Variants in GPC5 observed in about 807,000 individuals in gnomAD.
The protein encoded by GPC5 is glypican 5.
In GPC5, 47 loss-of-function variants were observed where a neutral mutation model predicts 53.9. That is an observed-to-expected ratio of 0.87 (90% CI 0.69 to 1.11). GPC5 has a LOEUF of 1.11. GPC5 is among the 50% of genes most tolerant of loss of function. The probability of loss-of-function intolerance (pLI) is 0.00; values close to 1 mark genes in which losing one functional copy is unlikely to be tolerated. For synonymous variants in GPC5, 286 were observed against 263.3 expected (o/e 1.09, Z -0.84); for missense variants, 748 against 713.1 (o/e 1.05, Z -0.56).
intron 7 of GPC5, among the ~76,000 whole-genome samples, chr13:92,257,701 C>A (rs1015732004): frequency 6.6e-6 from 1 of 151,670 alleles, no homozygotes; most frequent in Non-Finnish European, 1.5e-5. Context: ...CAGGTGGGCA[C>A]CACCACACCC....
At chr13:92,633,026 G>A (rs1885303601) in intron 7 of GPC5, among the ~76,000 whole-genome samples, 1 of 152,096 alleles carries the variant, frequency 6.6e-6, no homozygotes, top group Non-Finnish European at 1.5e-5. Context: ...GAGTAGCTGG[G>A]ATTACAGGCA....
intron 7 of GPC5, among the ~76,000 whole-genome samples, chr13:92,809,024 C>A (rs1877201263): frequency 6.6e-6 from 1 of 152,048 alleles, no homozygotes; most frequent in South Asian, 2.1e-4. Flanking sequence ...AAATATCAAA[C>A]CAGGAGGTAG....
intron 2 of GPC5, among the ~76,000 whole-genome samples, chr13:91,478,421 A>G (rs1485982908): frequency 6.6e-6 from 1 of 152,044 alleles, no homozygotes; most frequent in Non-Finnish European, 1.5e-5. Flanking sequence ...AAATGTAAAG[A>G]GAAATAAATG....
At chr13:91,897,606 G>A (rs1412744044) in intron 5 of GPC5, among the ~76,000 whole-genome samples, 1 of 152,028 alleles carries the variant, frequency 6.6e-6, no homozygotes, top group Non-Finnish European at 1.5e-5. Flanking sequence ...ATAGAGCGTT[G>A]GTGATGGGCC....
At chr13:91,572,178 TAC>T (rs2031927553) in intron 2 of GPC5, among the ~76,000 whole-genome samples, 1 of 69,332 alleles carries the variant, frequency 1.4e-5, no homozygotes, top group Non-Finnish European at 3.8e-5. Context: ...TATGTATATA[TAC>T]GTGTGTATAC....
In GPC5 at chr13:91,542,014, C is replaced by CTTA. The variant is rs1290894565; in HGVS notation, c.325+93093_325+93095dup. 6.9e-3 allele frequency among the ~76,000 whole-genome samples: 293 copies of CTTA among 42,712 alleles called. 2 individuals are homozygous for CTTA. Among genetic ancestry groups the CTTA allele is most frequent in the African/African-American group, 0.015 (273 of 18,242 alleles). The allele number at this position is 42,712 out of a possible 152,430, so 28.0% of individuals were successfully genotyped here. ...ATTGTGATTTTTTCCCATTTGAGCT[C>CTTA]TTAATATTAATTAATATTAATAATG... On this transcript the variant is annotated intron_variant, in intron 2 of 7. Coordinates refer to ENST00000377067, the MANE Select transcript of GPC5 (RefSeq NM_004466.6).
At chr13:91,522,181 C>A (rs1036045312) in intron 2 of GPC5, among the ~76,000 whole-genome samples, 3 of 152,150 alleles carry the variant, frequency 2.0e-5, no homozygotes, top group Non-Finnish European at 4.4e-5. Flanking sequence ...AACCTTTGGC[C>A]ATTCATGATC....
chr13:91,597,325 T>C (rs2033030306), intron 2 of GPC5, among the ~76,000 whole-genome samples: 1 of 152,236 alleles, frequency 6.6e-6, no homozygotes, highest in South Asian at 2.1e-4. Context: ...ATTAATTCCC[T>C]CATTTGTGGC....
At chr13:91,480,208 G>A (rs995538426) in intron 2 of GPC5, among the ~76,000 whole-genome samples, 21 of 152,328 alleles carry the variant, frequency 1.4e-4, no homozygotes, top group African/African-American at 5.1e-4. Flanking sequence ...TAAAATGTAT[G>A]TTGTATAAAA....
intron 5 of GPC5, among the ~76,000 whole-genome samples, chr13:91,885,552 C>T (rs1463814074): frequency 6.6e-6 from 1 of 152,164 alleles, no homozygotes; most frequent in East Asian, 1.9e-4. Context: ...AAACCATTCT[C>T]GAGGTGAAAA....
intron 2 of GPC5, among the ~76,000 whole-genome samples, chr13:91,520,237 GT>G (rs1319100057): frequency 6.6e-6 from 1 of 152,154 alleles, no homozygotes; most frequent in Admixed American, 6.5e-5. Flanking sequence ...GGTTATAGAG[GT>G]TTAAATGATT....
chr13:91,493,715 T>G (rs1884068074), intron 2 of GPC5, among the ~76,000 whole-genome samples: 1 of 152,162 alleles, frequency 6.6e-6, no homozygotes, highest in Non-Finnish European at 1.5e-5. Context: ...TTCGCTTCAT[T>G]CCTTATTCTC....
intron 7 of GPC5, among the ~76,000 whole-genome samples, chr13:92,402,725 G>T (rs1425115004): frequency 2.6e-5 from 4 of 152,028 alleles, no homozygotes; most frequent in African/African-American, 9.7e-5. Context: ...CAAAGTGGAA[G>T]CCAAAAAGCT....
intron 7 of GPC5, among the ~76,000 whole-genome samples, chr13:92,289,130 A>G (rs2042976831): frequency 6.6e-6 from 1 of 152,196 alleles, no homozygotes; most frequent in Non-Finnish European, 1.5e-5. Flanking sequence ...TATTCAAGGA[A>G]GTAATTGGAA....
At chr13:92,197,664 ATTT>A (rs10710747) in intron 7 of GPC5, among the ~76,000 whole-genome samples, 1 of 142,056 alleles carries the variant, frequency 7.0e-6, no homozygotes. Context: ...CATCTGGCTA[ATTT>A]TTTTTTTTTT....
At chr13:92,716,020 TC>T (rs1888317686) in intron 7 of GPC5, among the ~76,000 whole-genome samples, 1 of 152,218 alleles carries the variant, frequency 6.6e-6, no homozygotes, top group Admixed American at 6.5e-5. Flanking sequence ...CCTAAGTTTT[TC>T]TTTTTCCTTA....
intron 7 of GPC5, among the ~76,000 whole-genome samples, chr13:92,288,711 C>A (rs531770468): frequency 1.3e-5 from 2 of 152,270 alleles, no homozygotes; most frequent in South Asian, 2.1e-4. Flanking sequence ...ACCATGCCAT[C>A]TTCTGTGATA....
chr13:92,552,811 G>A (rs1435166159), intron 7 of GPC5, among the ~76,000 whole-genome samples: 1 of 151,892 alleles, frequency 6.6e-6, no homozygotes, highest in East Asian at 1.9e-4. Context: ...TCCCTTCATT[G>A]ATATGTCCTT....
intron 2 of GPC5, among the ~76,000 whole-genome samples, chr13:91,678,269 C>T (rs964169068): frequency 9.2e-5 from 14 of 152,070 alleles, no homozygotes; most frequent in East Asian, 1.9e-4. Context: ...GCTTAGGATG[C>T]GGTAAAATCA....
Sources: gnomAD v4.1 joint callset for allele counts (sites outside exome capture counted in the v4.1 genomes callset) on GRCh38, gnomAD v4.1.1 for gene constraint, MANE v1.5 for transcripts, NCBI Gene and HGNC (gene_info 2026-07-23, HGNC 2026-07-21) for gene names.